The following ASTN2 variants were observed in gnomAD, a reference collection of about 807,000 sequenced individuals.
ASTN2 encodes the protein astrotactin 2.
In ASTN2, 54 loss-of-function variants were observed where a neutral mutation model predicts 139.8. The ratio of observed to expected loss-of-function variants is 0.39; its 90% CI spans 0.31 to 0.48. The LOEUF (loss-of-function observed/expected upper bound fraction) is 0.48, where lower values mean the gene tolerates loss of function less well. ASTN2 is among the 20% of genes least tolerant of loss of function. The pLI, the probability that ASTN2 is intolerant of heterozygous loss-of-function variation, is 0.95. For missense variants in ASTN2, 1,565 were observed against 1,725.1 expected (o/e 0.91, Z 1.64); for synonymous variants, 756 against 719.5 (o/e 1.05, Z -0.81).
At chr9:116,883,826 C>T (rs1588381851) in intron 10 of ASTN2, among the ~76,000 whole-genome samples, 2 of 152,214 alleles carry the variant, frequency 1.3e-5, no homozygotes, top group Admixed American at 1.3e-4. Flanking sequence ...CTACCATCTA[C>T]AAGCCATTAT....
At chr9:117,026,458 T>A (rs1588492078) in intron 6 of ASTN2, among the ~76,000 whole-genome samples, 2 of 152,184 alleles carry the variant, frequency 1.3e-5, no homozygotes, top group Non-Finnish European at 2.9e-5. Context: ...TTGATTGATG[T>A]CTGGGGTCAT....
chr9:116,569,199 G>A (rs961448960), intron 19 of ASTN2, among the ~76,000 whole-genome samples: 2 of 152,168 alleles, frequency 1.3e-5, no homozygotes, highest in Non-Finnish European at 2.9e-5. Flanking sequence ...GACGGGCCTC[G>A]TTTGCATGCC....
At chr9:117,358,011 T>G (rs761540580) in intron 1 of ASTN2, among the ~76,000 whole-genome samples, 1 of 152,158 alleles carries the variant, frequency 6.6e-6, no homozygotes, top group Non-Finnish European at 1.5e-5. Flanking sequence ...TTTGTATATG[T>G]AAAGTTGAAG....
At chr9:117,038,170 TTTTCTCTGGTCAAAATATACTGAA>T (rs1166247152) in intron 6 of ASTN2, among the ~76,000 whole-genome samples, 208 of 152,266 alleles carry the variant, frequency 1.4e-3, no homozygotes, top group African/African-American at 4.7e-3. Context: ...AAAATTCCAC[TTTTCTCTGGTCAAAATATACTGAA>T]GGGATGGTGC....
At chr9:116,497,706 T>G (rs1250503220) in intron 19 of ASTN2, among the ~76,000 whole-genome samples, 2 of 151,952 alleles carry the variant, frequency 1.3e-5, no homozygotes, top group Non-Finnish European at 2.9e-5. Context: ...GAAAGCTGAT[T>G]TGGGGACCAG....
At chr9:116,872,769 G>A (rs752278291) in intron 10 of ASTN2, among the ~76,000 whole-genome samples, 14 of 152,088 alleles carry the variant, frequency 9.2e-5, no homozygotes, top group Non-Finnish European at 1.8e-4. Flanking sequence ...GAAATTCTAG[G>A]GAGAAGGAAA....
At chr9:117,361,525 A>G (rs900235979) in intron 1 of ASTN2, among the ~76,000 whole-genome samples, 3 of 152,160 alleles carry the variant, frequency 2.0e-5, no homozygotes, top group Non-Finnish European at 4.4e-5. Flanking sequence ...TAGGTTGAAT[A>G]CCTACTACAG....
chr9:117,200,649 T>C (rs1314204495), intron 3 of ASTN2, among the ~76,000 whole-genome samples: 1 of 152,240 alleles, frequency 6.6e-6, no homozygotes, highest in Non-Finnish European at 1.5e-5. Context: ...GTTCTGTTTA[T>C]GTAATAGATT....
Position 116,423,865 on chromosome 9 carries a change from A to G in ASTN2, c.*1986T>C, listed in dbSNP as rs1433515154. On this transcript the variant is annotated 3_prime_UTR_variant, in exon 23 of 23. Coordinates refer to ENST00000313400, the MANE Select transcript of ASTN2 (RefSeq NM_001365068.1). ...GAAGGGGATTGTCAATCTCATCAAC[A>G]TTTGCCAAATTGAGAAGTAGGCATG... 2.0e-5 allele frequency among the ~76,000 whole-genome samples: 3 copies of G among 152,164 alleles called. No homozygotes were observed. Among genetic ancestry groups the G allele is most frequent in the Non-Finnish European group, 4.4e-5 (3 of 68,036 alleles).
chr9:116,473,068 G>A (rs1042221433), intron 20 of ASTN2, among the ~76,000 whole-genome samples: 7 of 152,134 alleles, frequency 4.6e-5, no homozygotes, highest in African/African-American at 1.7e-4. Context: ...ATATTATTAA[G>A]GTTCAAAGAG....
At chr9:116,836,252 T>C (rs576829619) in intron 11 of ASTN2, among the ~76,000 whole-genome samples, 4 of 152,182 alleles carry the variant, frequency 2.6e-5, no homozygotes, top group African/African-American at 7.2e-5. Flanking sequence ...GTGGTGAATG[T>C]CCTGGCTTTC....
intron 10 of ASTN2, among the ~76,000 whole-genome samples, chr9:116,925,869 C>A (rs1929011): frequency 0.19 from 7,012 of 37,130 alleles, 377 homozygotes; most frequent in African/African-American, 0.32. Context: ...ACAACACACA[C>A]ACACACACAC....
chr9:117,335,140 T>C (rs184298271), intron 1 of ASTN2, among the ~76,000 whole-genome samples: 220 of 152,312 alleles, frequency 1.4e-3, no homozygotes, highest in African/African-American at 4.9e-3. Context: ...TTTATTTTAT[T>C]CATAGCCCTT....
At chr9:116,702,894 A>G (rs1468413053) in intron 16 of ASTN2, among the ~76,000 whole-genome samples, 6 of 152,336 alleles carry the variant, frequency 3.9e-5, no homozygotes, top group East Asian at 3.9e-4. Context: ...TATTCCAATC[A>G]GTAGAATAAA....
intron 19 of ASTN2, among the ~76,000 whole-genome samples, chr9:116,597,309 T>A (rs995539713): frequency 7.1e-6 from 1 of 141,554 alleles, no homozygotes; most frequent in Non-Finnish European, 1.5e-5. Flanking sequence ...ATTTTTTTTT[T>A]TTTTTTTTTT....
chr9:116,798,699 C>A (rs114794890), intron 13 of ASTN2, among the ~76,000 whole-genome samples: 2,247 of 152,268 alleles, frequency 0.015, 54 homozygotes, highest in African/African-American at 0.051. Context: ...GAAATAGAAG[C>A]AGAATTTCAC....
intron 1 of ASTN2, among the ~76,000 whole-genome samples, chr9:117,295,508 A>T (rs1372513751): frequency 6.6e-6 from 1 of 152,144 alleles, no homozygotes; most frequent in African/African-American, 2.4e-5. Context: ...CTCAGTAAAT[A>T]ATTACTGAAT....
chr9:116,720,795 T>A lies in ASTN2; in HGVS notation c.2806+4976A>T, dbSNP rs552395689. ...TCCCTAAGTAGAGAATGACAGGGGA[T>A]GATAAAAGTTACAGATTCCTTTTGA... On this transcript the variant is annotated intron_variant, in intron 16 of 22. Transcript: ENST00000313400. 2.0e-5 allele frequency among the ~76,000 whole-genome samples: 3 copies of A among 152,310 alleles called. No homozygotes were observed. In the South Asian group the frequency reaches 6.2e-4, roughly 32 times the overall value.
chr9:117,213,733 G>A (rs562937193), intron 3 of ASTN2, among the ~76,000 whole-genome samples: 1 of 152,338 alleles, frequency 6.6e-6, no homozygotes, highest in Admixed American at 6.5e-5. Flanking sequence ...CTGCCTTGAG[G>A]AAGAAGAGTG....
Sources: allele counts gnomAD v4.1 joint callset (sites outside exome capture counted in the v4.1 genomes callset), GRCh38; gene constraint gnomAD v4.1.1; transcripts MANE v1.5; gene names NCBI Gene and HGNC (gene_info 2026-07-23, HGNC 2026-07-21).